The following SGMS2 variants were observed in gnomAD, a reference collection of about 807,000 sequenced individuals.
The protein encoded by SGMS2 is sphingomyelin synthase 2.
A neutral mutation model predicts 43.8 loss-of-function variants in SGMS2; 21 were observed. The observed-to-expected ratio is 0.48, with a 90% confidence interval of 0.34 to 0.69. The LOEUF is 0.69. Among genes scored for constraint, SGMS2 ranks in the 30% least tolerant of loss-of-function variants. SGMS2 has a pLI of 0.01. For synonymous variants in SGMS2, 167 were observed against 160.6 expected (o/e 1.04, Z -0.30); for missense variants, 384 against 443.2 (o/e 0.87, Z 1.20).
chr4:107,865,259 A>G (rs1425718158), intron 2 of SGMS2, among the ~76,000 whole-genome samples: 1 of 152,216 alleles, frequency 6.6e-6, no homozygotes, highest in Non-Finnish European at 1.5e-5. Context: ...AAACTGGAAT[A>G]GTCTGCAACC....
At chr4:107,897,018 T>C (rs540258881) in intron 3 of SGMS2, among the ~76,000 whole-genome samples, 1 of 152,350 alleles carries the variant, frequency 6.6e-6, no homozygotes, top group South Asian at 2.1e-4. Context: ...GATTTCAGTA[T>C]TAATGCCACA....
In SGMS2 at chr4:107,866,566, C is replaced by CA. The variant is rs35182175; in HGVS notation, c.-245+8022dup. ...GGGTGACAAGAGTGAAGCTCTGTCT[C>CA]AAAAAAAAACCAAAAACAAAAAAAA... is the stretch of plus-strand genomic sequence containing the variant. On this transcript the variant is annotated intron_variant, in intron 2 of 6. Coordinates refer to ENST00000690982, the MANE Select transcript of SGMS2 (RefSeq NM_001375905.1). 2.5e-3 allele frequency among the ~76,000 whole-genome samples: 331 copies of CA among 132,060 alleles called. No individual in the cohort carries two copies. The East Asian group carries it at 0.027, about 11-fold the overall frequency. 86.6% of individuals were successfully genotyped at this position (132,060 alleles called of 152,430 possible). A position where few individuals can be genotyped will look rare whatever the true frequency, so the allele number is the denominator to read the frequency against.
Position 107,904,371 on chromosome 4 carries a change from TG to T in SGMS2, c.727+987del, listed in dbSNP as rs780356408. 3.3e-5 allele frequency among the ~76,000 whole-genome samples: 5 copies of T among 152,128 alleles called. No homozygotes were observed. The East Asian group carries it at 5.8e-4, about 18-fold the overall frequency. On this transcript the variant is annotated intron_variant, in intron 5 of 6. Transcript: ENST00000690982. ...TCCTCCTTGTTCTTCCCTCCTCTCT[TG>T]GCCCTTTGTTCATCCAAATAGATTT...
chr4:107,866,294 G>A (rs1314525636), intron 2 of SGMS2, among the ~76,000 whole-genome samples: 1 of 152,154 alleles, frequency 6.6e-6, no homozygotes, highest in African/African-American at 2.4e-5. Context: ...GCTGGGCATT[G>A]TGGCTCACAC....
intron 5 of SGMS2, among the ~76,000 whole-genome samples, chr4:107,905,034 A>ACC (rs1408900079): frequency 6.6e-6 from 1 of 152,094 alleles, no homozygotes; most frequent in East Asian, 1.9e-4. Flanking sequence ...TAATAAAAAC[A>ACC]CCCCCAGGAA....
intron 2 of SGMS2, among the ~76,000 whole-genome samples, chr4:107,884,793 A>T (rs1729619317): frequency 6.6e-6 from 1 of 152,138 alleles, no homozygotes; most frequent in South Asian, 2.1e-4. Context: ...TTGATGTCTC[A>T]TGTCCCCCTA....
At chr4:107,910,292 A>C in intron 6 of SGMS2, 58 bp from the exon 7 acceptor site, 2 of 1,405,434 alleles carry the variant, frequency 1.4e-6, no homozygotes, top group Non-Finnish European at 2.0e-6. Flanking sequence ...TAAGAAAATA[A>C]TTGGGATGCA....
At chr4:107,889,379 A>G (rs888423005) in intron 2 of SGMS2, among the ~76,000 whole-genome samples, 2 of 152,320 alleles carry the variant, frequency 1.3e-5, no homozygotes, top group African/African-American at 4.8e-5. Flanking sequence ...ACAAGAATGT[A>G]TGCTGGCAAT....
intron 5 of SGMS2, among the ~76,000 whole-genome samples, chr4:107,906,671 T>TTA (rs548449813): frequency 1.1e-3 from 167 of 152,354 alleles, no homozygotes; most frequent in South Asian, 7.2e-3. Context: ...GTGTTCTCAG[T>TTA]TAATGAGTGG....
At chr4:107,869,558 C>G (rs1728397912) in intron 2 of SGMS2, among the ~76,000 whole-genome samples, 1 of 152,100 alleles carries the variant, frequency 6.6e-6, no homozygotes, top group Non-Finnish European at 1.5e-5. Context: ...ATGCCACCAT[C>G]TAAAAAGCAG....
rs1440055787 is a variant in SGMS2, at chr4:107,862,741, C to T, written c.-245+4188C>T. Among the ~76,000 whole-genome samples the T allele has an allele frequency of 2.6e-5, 4 of 152,246 alleles. No homozygotes were observed. The East Asian group carries it at 5.8e-4, about 22-fold the overall frequency. ...AATCAGCAGTCTAGTGTTGGGAGGACGTCGTGCTGAATAGATTTCTGCCTT... is the reference window on the plus strand; with the variant it reads ...AATCAGCAGTCTAGTGTTGGGAGGATGTCGTGCTGAATAGATTTCTGCCTT... On this transcript the variant is annotated intron_variant, in intron 2 of 6. Coordinates refer to ENST00000690982, the MANE Select transcript of SGMS2 (RefSeq NM_001375905.1).
chr4:107,876,078 T>A (rs1728894267), intron 2 of SGMS2, among the ~76,000 whole-genome samples: 3 of 152,194 alleles, frequency 2.0e-5, no homozygotes, highest in Non-Finnish European at 4.4e-5. Flanking sequence ...AATTCCTGCT[T>A]CTAGGAAATG....
chr4:107,841,720 G>C (rs1726518256), intron 1 of SGMS2, among the ~76,000 whole-genome samples: 1 of 151,792 alleles, frequency 6.6e-6, no homozygotes. Flanking sequence ...CTGGAGTACT[G>C]TGGTGCAATC....
In SGMS2 at chr4:107,914,231, G is replaced by A. The variant is rs1047214206; in HGVS notation, c.*3678G>A. The A allele has an allele frequency of 3.3e-5, 5 of 151,932 alleles. No individual in the cohort carries two copies. The highest frequency in any genetic ancestry group is 7.2e-5 in the African/African-American group (3 of 41,384). The allele number at this position is 151,932 out of a possible 1,614,324, so 9.4% of individuals were successfully genotyped here. A position where few individuals can be genotyped will look rare whatever the true frequency, so the allele number is the denominator to read the frequency against. On this transcript the variant is annotated 3_prime_UTR_variant, in exon 7 of 7. Coordinates refer to ENST00000690982, the MANE Select transcript of SGMS2 (RefSeq NM_001375905.1). Reference sequence around the variant, plus strand: ...TCATGTCAATGTTACCCAAAGATAAGTTTTTATACAGATACACACCTTATA... The same window carrying A: ...TCATGTCAATGTTACCCAAAGATAAATTTTTATACAGATACACACCTTATA...
intron 2 of SGMS2, among the ~76,000 whole-genome samples, chr4:107,888,667 G>T (rs1729952490): frequency 6.6e-6 from 1 of 151,614 alleles, no homozygotes; most frequent in African/African-American, 2.4e-5. Flanking sequence ...ATTTTACCTG[G>T]TTTTATACAT....
At chr4:107,852,535 A>AT (rs1324154684) in intron 1 of SGMS2, among the ~76,000 whole-genome samples, 7 of 152,212 alleles carry the variant, frequency 4.6e-5, no homozygotes, top group African/African-American at 1.7e-4. Context: ...AGCATTTTGC[A>AT]TTATCTTTCT....
intron 1 of SGMS2, among the ~76,000 whole-genome samples, chr4:107,826,745 T>C (rs1229682240): frequency 6.6e-6 from 1 of 152,230 alleles, no homozygotes; most frequent in Non-Finnish European, 1.5e-5. Flanking sequence ...AGGGAAACAC[T>C]TGGACACCTT....
In SGMS2 at chr4:107,903,387, G is replaced by T. The variant is rs1302082514; in HGVS notation, c.727+1G>T. ...CTGACTTATTTGTTCATCAAAGAAT[G>T]TAAGTAATAGCCCATTCCCACTGAA... On this transcript the variant is annotated splice_donor_variant, in intron 5 of 6. Coordinates refer to ENST00000690982, the MANE Select transcript of SGMS2 (RefSeq NM_001375905.1). LOFTEE classifies it high-confidence loss of function. The T allele has an allele frequency of 1.2e-6, 2 of 1,613,596 alleles. No individual in the cohort carries two copies. The highest frequency in any genetic ancestry group is 2.2e-5 in the East Asian group (1 of 44,844).
chr4:107,860,841 A>G (rs1319390338), intron 2 of SGMS2, among the ~76,000 whole-genome samples: 2 of 152,088 alleles, frequency 1.3e-5, no homozygotes, highest in Admixed American at 6.5e-5. Flanking sequence ...TTCTTATTAC[A>G]TATCTACTAG....
Sources: gnomAD v4.1 joint callset for allele counts (sites outside exome capture counted in the v4.1 genomes callset) on GRCh38, gnomAD v4.1.1 for gene constraint, MANE v1.5 for transcripts, NCBI Gene and HGNC (gene_info 2026-07-23, HGNC 2026-07-21) for gene names.